Variants in BTBD3 observed in about 807,000 individuals in gnomAD.
The protein encoded by BTBD3 is BTB domain containing 3.
A neutral mutation model predicts 41.6 loss-of-function variants in BTBD3; 14 were observed. The ratio of observed to expected loss-of-function variants is 0.34; its 90% CI spans 0.22 to 0.53. The LOEUF is 0.53. Ranked by LOEUF, BTBD3 falls within the 20% of genes least tolerant of loss-of-function variation. The probability of loss-of-function intolerance (pLI) is 0.95; values close to 1 mark genes in which losing one functional copy is unlikely to be tolerated. For synonymous variants in BTBD3, 249 were observed against 233.7 expected (o/e 1.07, Z -0.60); for missense variants, 426 against 654.7 (o/e 0.65, Z 3.81).
intron 2 of BTBD3, 84 bp from the exon 3 acceptor site, chr20:11,919,634 A>C (rs2056948788): frequency 2.9e-6 from 4 of 1,391,910 alleles, no homozygotes; most frequent in Non-Finnish European, 4.1e-6. Flanking sequence ...ACTAAACCTG[A>C]TTGCCTAGTG....
chr20:11,919,290 C>G (rs887016862), intron 2 of BTBD3, 114 bp downstream of exon 2: 3 of 1,355,282 alleles, frequency 2.2e-6, no homozygotes, highest in South Asian at 2.9e-5. Context: ...GCATGTTTCA[C>G]TCGATTAGGG....
At chr20:11,895,923 C>A (rs770078104) in intron 1 of BTBD3, among the ~76,000 whole-genome samples, 2 of 152,162 alleles carry the variant, frequency 1.3e-5, no homozygotes. Flanking sequence ...TTTCCACTTT[C>A]ATGATTTGTA....
chr20:11,915,393 T>C (rs746742170), upstream of BTBD3, among the ~76,000 whole-genome samples: 6 of 152,206 alleles, frequency 3.9e-5, no homozygotes, highest in Non-Finnish European at 8.8e-5. Flanking sequence ...TTTGAGTTAT[T>C]TTCAATTCAC....
At chr20:11,898,820 G>A (rs192975080) in intron 1 of BTBD3, among the ~76,000 whole-genome samples, 1 of 152,270 alleles carries the variant, frequency 6.6e-6, no homozygotes, top group Admixed American at 6.5e-5. Flanking sequence ...GTGGTTATGA[G>A]AATTAAATAG....
intron 1 of BTBD3, chr20:11,891,455 T>C (rs2056753478): frequency 6.6e-6 from 1 of 151,572 alleles, no homozygotes; most frequent in African/African-American, 2.4e-5. Context: ...TAAGTAACTT[T>C]CCTGAGGCGC....
At chr20:11,908,019 A>C (rs1303865968) in intron 1 of BTBD3, among the ~76,000 whole-genome samples, 1 of 152,302 alleles carries the variant, frequency 6.6e-6, no homozygotes, top group African/African-American at 2.4e-5. Context: ...TATAGAGTAA[A>C]GATTTGACCA....
chr20:11,891,911 G>A (rs2056757038), intron 1 of BTBD3, among the ~76,000 whole-genome samples: 1 of 152,136 alleles, frequency 6.6e-6, no homozygotes, highest in African/African-American at 2.4e-5. Context: ...GCACAGAGGA[G>A]TCGCTGGGGA....
At chr20:11,909,026 T>G (rs960552858) in intron 1 of BTBD3, among the ~76,000 whole-genome samples, 4 of 152,002 alleles carry the variant, frequency 2.6e-5, no homozygotes, top group African/African-American at 9.7e-5. Context: ...GGCGGGTGGA[T>G]CACATGAGGT....
upstream of BTBD3, among the ~76,000 whole-genome samples, chr20:11,916,886 G>A (rs1328911960): frequency 3.3e-5 from 5 of 152,096 alleles, no homozygotes; most frequent in African/African-American, 1.2e-4. Flanking sequence ...AGAACCTATT[G>A]CCGGTGTTTT....
At chr20:11,917,831 G>A (rs1269827154), upstream of BTBD3, 52 of 766,758 alleles carry the variant, frequency 6.8e-5, no homozygotes, top group Non-Finnish European at 7.9e-5. Flanking sequence ...CTATTGGCTC[G>A]GAGCACTGGC....
intron 1 of BTBD3, among the ~76,000 whole-genome samples, chr20:11,903,675 C>T (rs891514124): frequency 1.3e-5 from 2 of 152,014 alleles, no homozygotes; most frequent in Admixed American, 6.6e-5. Flanking sequence ...GGCATGATCT[C>T]GGCTCACTGC....
At chr20:11,900,772 A>G (rs1160531294) in intron 1 of BTBD3, among the ~76,000 whole-genome samples, 1 of 147,616 alleles carries the variant, frequency 6.8e-6, no homozygotes, top group Admixed American at 6.9e-5. Context: ...CAGCGGCGAC[A>G]TCTCGACTCA....
At chr20:11,903,016 A>G (rs2056832944) in intron 1 of BTBD3, among the ~76,000 whole-genome samples, 2 of 152,300 alleles carry the variant, frequency 1.3e-5, no homozygotes, top group Admixed American at 1.3e-4. Flanking sequence ...ATATAAGTGG[A>G]CCAGAGCAGT....
Position 11,926,177 on chromosome 20 carries a change from A to C in BTBD3, c.*2511A>C, listed in dbSNP as rs757410198. 2 of 152,684 alleles carry C rather than the reference A, an allele frequency of 1.3e-5. No individual in the cohort carries two copies. Among genetic ancestry groups the C allele is most frequent in the African/African-American group, 4.8e-5 (2 of 41,476 alleles). 9.5% of individuals were successfully genotyped at this position (152,684 alleles called of 1,614,324 possible). A position where few individuals can be genotyped will look rare whatever the true frequency, so the allele number is the denominator to read the frequency against. ...AACTTTATTCTATAAACACAACTTT[A>C]TTAAGCAGAATACACTGTAGATGCT... On this transcript the variant is annotated 3_prime_UTR_variant, in exon 4 of 4. Coordinates refer to ENST00000378226, the MANE Select transcript of BTBD3 (RefSeq NM_014962.4).
intron 1 of BTBD3, among the ~76,000 whole-genome samples, chr20:11,912,153 A>T (rs1445296845): frequency 6.6e-6 from 1 of 152,180 alleles, no homozygotes; most frequent in Non-Finnish European, 1.5e-5. Context: ...CCTTGGCCAA[A>T]TACTTGGCCT....
In BTBD3 at chr20:11,926,579, T is replaced by C. The variant is rs1364722909; in HGVS notation, c.*2913T>C. On this transcript the variant is annotated 3_prime_UTR_variant, in exon 4 of 4. Coordinates refer to ENST00000378226, the MANE Select transcript of BTBD3 (RefSeq NM_014962.4). ...TGTGTATAATCATGTTAAATGCAAA[T>C]AAAACTAGTTCATAGATTTGTTTTC... is the stretch of plus-strand genomic sequence containing the variant. 1 of 152,652 alleles carries C rather than the reference T, an allele frequency of 6.6e-6. No homozygotes were observed. Among genetic ancestry groups the C allele is most frequent in the Non-Finnish European group, 1.5e-5 (1 of 68,032 alleles). The allele number at this position is 152,652 out of a possible 1,614,324, so 9.5% of individuals were successfully genotyped here. A position where few individuals can be genotyped will look rare whatever the true frequency, so the allele number is the denominator to read the frequency against.
At chr20:11,903,333 A>G (rs988470050) in intron 1 of BTBD3, among the ~76,000 whole-genome samples, 7 of 152,174 alleles carry the variant, frequency 4.6e-5, no homozygotes, top group Non-Finnish European at 7.3e-5. Flanking sequence ...GGAGAACACC[A>G]AAGATTGCTA....
intron 1 of BTBD3, among the ~76,000 whole-genome samples, chr20:11,894,539 G>GCT (rs1157688337): frequency 6.6e-6 from 1 of 151,698 alleles, no homozygotes; most frequent in Admixed American, 6.6e-5. Context: ...CTTTTTGGGA[G>GCT]CTCTCTCTTC....
At chr20:11,921,467 C>T (rs2056969217) in intron 3 of BTBD3, 1 of 152,118 alleles carries the variant, frequency 6.6e-6, no homozygotes, top group Non-Finnish European at 1.5e-5. Flanking sequence ...CTGGGGTTGT[C>T]AGAAAAAGAG....
Sources: gnomAD v4.1 joint callset for allele counts (sites outside exome capture counted in the v4.1 genomes callset) on GRCh38, gnomAD v4.1.1 for gene constraint, MANE v1.5 for transcripts, NCBI Gene and HGNC (gene_info 2026-07-23, HGNC 2026-07-21) for gene names.